Variants in KIAA1217 observed in about 807,000 individuals in gnomAD.
KIAA1217 encodes the protein KIAA1217, also known as sickle tail protein homolog.
KIAA1217 carries 88 observed loss-of-function variants against 163.9 expected under a neutral mutation model. The observed-to-expected ratio is 0.54, with a 90% confidence interval of 0.45 to 0.64. The LOEUF is 0.64. KIAA1217 is among the 30% of genes least tolerant of loss of function. The pLI is 0.00. For synonymous variants in KIAA1217, 903 were observed against 923.1 expected (o/e 0.98, Z 0.39); for missense variants, 2,372 against 2,475.0 (o/e 0.96, Z 0.88).
intron 2 of KIAA1217, among the ~76,000 whole-genome samples, chr10:24,201,277 C>CA (rs111754469): frequency 2.4e-4 from 37 of 151,962 alleles, no homozygotes; most frequent in African/African-American, 8.7e-4. Flanking sequence ...TCTCAAAAAA[C>CA]AAAAAAATTC....
At chr10:24,538,562 GAGGGAGGA>G (rs1422709217) in intron 17 of KIAA1217, among the ~76,000 whole-genome samples, 11 of 83,832 alleles carry the variant, frequency 1.3e-4, no homozygotes, top group African/African-American at 3.9e-4. Context: ...GGGAGGGAGG[GAGGGAGGA>G]AGGAAGGAAG....
At chr10:24,270,043 A>G (rs6482382) in intron 2 of KIAA1217, among the ~76,000 whole-genome samples, 111,788 of 152,140 alleles carry the variant, frequency 0.73, 41,163 homozygotes, top group Admixed American at 0.8. Flanking sequence ...GCGTTAGAAC[A>G]CAGATTGCCG....
chr10:24,379,535 T>C (rs2052999740), intron 2 of KIAA1217, among the ~76,000 whole-genome samples: 1 of 152,150 alleles, frequency 6.6e-6, no homozygotes, highest in African/African-American at 2.4e-5. Context: ...CTTTCCTCTA[T>C]GGGAAGGTCC....
intron 1 of KIAA1217, among the ~76,000 whole-genome samples, chr10:23,720,558 G>A (rs994574412): frequency 2.6e-5 from 4 of 152,136 alleles, no homozygotes; most frequent in African/African-American, 9.7e-5. Flanking sequence ...TAAGAGGCGG[G>A]ATATGAAGGG....
At chr10:24,236,909 C>T (rs1171087351) in intron 2 of KIAA1217, among the ~76,000 whole-genome samples, 1 of 152,140 alleles carries the variant, frequency 6.6e-6, no homozygotes, top group Non-Finnish European at 1.5e-5. Context: ...ACCTCAGCCT[C>T]CCAAAGTGCT....
In KIAA1217 at chr10:23,695,839, G is replaced by A. The variant is rs1835999015; in HGVS notation, c.-321+605G>A. 6.6e-6 allele frequency among the ~76,000 whole-genome samples: 1 copy of A among 152,210 alleles called. No individual in the cohort carries two copies. The highest frequency in any genetic ancestry group is 2.4e-5 in the African/African-American group (1 of 41,468). ...GGCAGGAGGCGAATGTGACGCTTAG[G>A]GTCGCTACGGTTGATGTTGGGCGCC... On this transcript the variant is annotated intron_variant, in intron 1 of 18. Coordinates refer to the KIAA1217 transcript ENST00000376462. The surrounding 1 kb of genome is among the most constrained non-coding windows in gnomAD (Gnocchi z 4.9).
intron 1 of KIAA1217, among the ~76,000 whole-genome samples, chr10:23,761,799 T>C (rs1021297861): frequency 2.0e-5 from 3 of 152,152 alleles, no homozygotes; most frequent in African/African-American, 7.2e-5. Context: ...GTTCAAGTCC[T>C]GAATATCCTT....
chr10:23,811,728 C>T (rs1485990406), intron 1 of KIAA1217, among the ~76,000 whole-genome samples: 1 of 151,906 alleles, frequency 6.6e-6, no homozygotes, highest in East Asian at 1.9e-4. Context: ...ATGCTAGAGA[C>T]ACTCAAGAGG....
intron 2 of KIAA1217, among the ~76,000 whole-genome samples, chr10:24,324,674 C>T (rs758395594): frequency 4.6e-5 from 7 of 152,122 alleles, no homozygotes; most frequent in Non-Finnish European, 8.8e-5. Context: ...GGATTTTTCC[C>T]CCTAGACTAT....
chr10:23,887,767 T>C (rs949092319), intron 1 of KIAA1217, among the ~76,000 whole-genome samples: 2 of 151,924 alleles, frequency 1.3e-5, no homozygotes, highest in Non-Finnish European at 2.9e-5. Flanking sequence ...TCCCCCAAGA[T>C]GGATTGCAGT....
chr10:24,127,582 G>C lies in KIAA1217; in HGVS notation c.-170-92044G>C, dbSNP rs2063511502. 2.6e-5 allele frequency among the ~76,000 whole-genome samples: 4 copies of C among 152,204 alleles called. No homozygotes were observed. The South Asian group carries it at 6.2e-4, about 24-fold the overall frequency. On this transcript the variant is annotated intron_variant, in intron 2 of 18. Transcript: ENST00000376462. ...TAATCAAATTCTGAGTATCAAAGTAGTCCAAGATTTTCACAATGCACTCCA... is the reference window on the plus strand; with the variant it reads ...TAATCAAATTCTGAGTATCAAAGTACTCCAAGATTTTCACAATGCACTCCA...
chr10:24,160,449 T>A (rs2065070215), intron 2 of KIAA1217, among the ~76,000 whole-genome samples: 1 of 152,206 alleles, frequency 6.6e-6, no homozygotes, highest in Non-Finnish European at 1.5e-5. Context: ...TTTTGTGAAA[T>A]TTATCCTTAA....
At chr10:23,885,531 A>G (rs1412949792) in intron 1 of KIAA1217, among the ~76,000 whole-genome samples, 2 of 152,040 alleles carry the variant, frequency 1.3e-5, no homozygotes, top group Non-Finnish European at 2.9e-5. Context: ...GGAGCAAGTT[A>G]TAATGACAAA....
At chr10:23,946,692 C>A (rs1184952195) in intron 1 of KIAA1217, among the ~76,000 whole-genome samples, 1 of 152,130 alleles carries the variant, frequency 6.6e-6, no homozygotes, top group East Asian at 1.9e-4. Context: ...TAACAGCCTA[C>A]ATAAAAACTC....
chr10:24,057,089 A>AAT (rs1172382672), intron 2 of KIAA1217, among the ~76,000 whole-genome samples: 1 of 151,926 alleles, frequency 6.6e-6, no homozygotes, highest in African/African-American at 2.4e-5. Flanking sequence ...ACAAAAAAAA[A>AAT]AATTTAAATT....
chr10:24,269,603 T>C (rs1464416488), intron 2 of KIAA1217, among the ~76,000 whole-genome samples: 1 of 152,164 alleles, frequency 6.6e-6, no homozygotes, highest in African/African-American at 2.4e-5. Context: ...AGGCTAATAC[T>C]TGAATCCAAG....
In KIAA1217 at chr10:24,380,923, G is replaced by A. The variant is rs371362476; in HGVS notation, c.409G>A (p.Val137Ile). ...SPQPPSLGDPVEHLSETSADS... is the reference protein window; with the variant it reads ...SPQPPSLGDPIEHLSETSADS... ...TCAACCACCCAGTCTGGGTGACCCG[G>A]TCGAGCATTTATCAGAGACGTCCGC... Residue 137 changes from valine to isoleucine, a missense_variant, in exon 3 of 21, where the codon GTC (valine) becomes ATC (isoleucine). Physicochemically the swap from Val to Ile is conservative, Grantham distance 29. This residue lies in a region of KIAA1217 where 1,431 missense variants were observed against 1,470.3 expected (regional missense o/e 0.97). Transcript: ENST00000376454. 4.7e-5 allele frequency: 76 copies of A among 1,606,232 alleles called. No homozygotes were observed. Among genetic ancestry groups the A allele is most frequent in the Non-Finnish European group, 6.4e-5 (75 of 1,175,666 alleles).
chr10:24,530,930 C>T (rs896032501), intron 14 of KIAA1217, among the ~76,000 whole-genome samples: 5 of 152,066 alleles, frequency 3.3e-5, no homozygotes, highest in East Asian at 1.9e-4. Flanking sequence ...TGCAGTGGCT[C>T]ACACCTGTAA....
intron 5 of KIAA1217, among the ~76,000 whole-genome samples, chr10:24,459,749 C>A (rs1236701285): frequency 6.6e-6 from 1 of 151,524 alleles, no homozygotes; most frequent in Non-Finnish European, 1.5e-5. Context: ...GTAGTGAGCT[C>A]TTAGCTCTAC....
Sources: allele counts gnomAD v4.1 joint callset (sites outside exome capture counted in the v4.1 genomes callset), GRCh38; gene constraint gnomAD v4.1.1; regional missense constraint gnomAD v4.1.1; non-coding constraint Gnocchi (gnomAD v3.1); transcripts MANE v1.5; gene names NCBI Gene and HGNC (gene_info 2026-07-23, HGNC 2026-07-21).